Variants in LCOR observed in about 807,000 individuals in gnomAD.
The protein encoded by LCOR is ligand dependent nuclear receptor corepressor.
LCOR carries 14 observed loss-of-function variants against 64.4 expected under a neutral mutation model. The observed-to-expected ratio is 0.22, with a 90% CI of 0.14 to 0.34. The LOEUF (loss-of-function observed/expected upper bound fraction) is 0.34. Among genes scored for constraint, LCOR ranks in the 10% least tolerant of loss-of-function variants. LCOR has a pLI of 1.00. For missense variants in LCOR, 1,686 were observed against 1,765.3 expected, an observed-to-expected ratio of 0.96 and a Z score of 0.80; for synonymous variants, 643 against 642.5, an observed-to-expected ratio of 1.00 and a Z score of -0.01.
At chr10:96,833,755 C>G (rs1845390938) in intron 2 of LCOR, among the ~76,000 whole-genome samples, 1 of 152,252 alleles carries the variant, frequency 6.6e-6, no homozygotes. Flanking sequence ...GCTTGGGCCC[C>G]TCATTCCCTC....
At chr10:96,879,733 C>T (rs971279340) in intron 2 of LCOR, among the ~76,000 whole-genome samples, 4 of 152,148 alleles carry the variant, frequency 2.6e-5, no homozygotes, top group Non-Finnish European at 4.4e-5. Flanking sequence ...GCGACGTTGG[C>T]GCACTGCAAC....
At chr10:96,951,114 G>C (rs972836715) in intron 6 of LCOR, among the ~76,000 whole-genome samples, 1 of 152,026 alleles carries the variant, frequency 6.6e-6, no homozygotes, top group Admixed American at 6.5e-5. Context: ...TAGATAGCAC[G>C]ACCCCTCTAC....
At position 96,983,163 on chromosome 10, in the gene LCOR, C is replaced by T. The variant is rs137873501; in HGVS notation, c.2703C>T (p.Gly901=). The T allele has an allele frequency of 7.4e-5, 120 of 1,614,000 alleles. No homozygotes were observed. Among genetic ancestry groups the T allele is most frequent in the Middle Eastern group, 6.6e-4 (4 of 6,062 alleles). The change falls in exon 8 of 8, where the codon GGC becomes GGT. Residue 901 remains glycine (G), a synonymous_variant. Coordinates refer to ENST00000421806, the MANE Select transcript of LCOR (RefSeq NM_001346516.2). The surrounding 1 kb of genome is among the most constrained non-coding windows in gnomAD (Gnocchi z 4.5). The part of the protein sequence containing the change: ...RPSEKDAEQE[G]EGGGIITRQT... ...CTGAGAAAGATGCTGAGCAGGAGGGCGAAGGCGGGGGGATCATCACCAGGC... is the reference window on the plus strand; with the variant it reads ...CTGAGAAAGATGCTGAGCAGGAGGGTGAAGGCGGGGGGATCATCACCAGGC...
chr10:96,981,605 A>G lies in LCOR; in HGVS notation c.1145A>G (p.Glu382Gly). Residue 382 changes from glutamate (E) to glycine (G), a missense_variant, in exon 8 of 8, where the codon GAG becomes GGG. Transcript: ENST00000421806. ...CPKTPLRQDLEANEQDARPKQ... is the reference protein window; with the variant it reads ...CPKTPLRQDLGANEQDARPKQ... ...AAAACACCTTTGCGCCAGGATTTAG[A>G]GGCAAATGAACAAGATGCAAGGCCA... 6.2e-7 allele frequency: 1 copy of G among 1,614,252 alleles called. No individual in the cohort carries two copies. The highest frequency in any genetic ancestry group is 1.7e-5 in the Admixed American group (1 of 60,032).
At chr10:96,942,912 A>G (rs1185938141) in intron 4 of LCOR, among the ~76,000 whole-genome samples, 1 of 152,214 alleles carries the variant, frequency 6.6e-6, no homozygotes, top group Admixed American at 6.5e-5. Flanking sequence ...TAACACTTAA[A>G]TATGCATTTA....
At chr10:96,953,658 G>A (rs1564636690) in intron 7 of LCOR, among the ~76,000 whole-genome samples, 1 of 152,228 alleles carries the variant, frequency 6.6e-6, no homozygotes, top group Non-Finnish European at 1.5e-5. Flanking sequence ...AAGATTCTCT[G>A]TAAACTTGGC....
At chr10:96,832,477 G>C (rs1227130290) in intron 1 of LCOR, 78 bp downstream of exon 1, 1 of 485,510 alleles carries the variant, frequency 2.1e-6, no homozygotes, top group African/African-American at 2.1e-5. Context: ...GGAAGCTGGG[G>C]AAGTGGCAAT....
chr10:96,931,290 G>A (rs1176151592), intron 4 of LCOR, among the ~76,000 whole-genome samples: 1 of 150,606 alleles, frequency 6.6e-6, no homozygotes, highest in African/African-American at 2.5e-5. Context: ...CTAGAGTGCA[G>A]TGGTGTCATC....
rs140641081 is a variant in LCOR, at chr10:96,956,369, T to TATA, written c.332+4174_332+4176dup. The TATA allele has an allele frequency of 0.013, 12,497 of 986,422 alleles. 1,161 individuals are homozygous for TATA. In the African/African-American group the frequency reaches 0.19, roughly 15 times the overall value. 61.1% of individuals were successfully genotyped at this position (986,422 alleles called of 1,614,324 possible). A position where few individuals can be genotyped will look rare whatever the true frequency, so the allele number is the denominator to read the frequency against. ...ATCACTGCAAATTGGAAAGCCATCT[T>TATA]ATACAAAATTATTCACATTTTTCAT... On this transcript the variant is annotated intron_variant, in intron 7 of 7. Coordinates refer to ENST00000421806, the MANE Select transcript of LCOR (RefSeq NM_001346516.2).
Position 96,920,664 on chromosome 10 carries a change from A to G in LCOR, c.-184+12917A>G, listed in dbSNP as rs141670843. ...TATGTGTATATATGTGTATATATGT[A>G]TATATGTATATATTCATATATGTGT... On this transcript the variant is annotated intron_variant, in intron 4 of 7. Coordinates refer to ENST00000421806, the MANE Select transcript of LCOR (RefSeq NM_001346516.2). Among the ~76,000 whole-genome samples, 924 of 136,876 alleles carry G rather than the reference A, an allele frequency of 6.8e-3. 9 individuals carry two copies. The highest frequency in any genetic ancestry group is 0.015 in the Middle Eastern group (4 of 274). 89.8% of individuals were successfully genotyped at this position (136,876 alleles called of 152,430 possible). A position where few individuals can be genotyped will look rare whatever the true frequency, so the allele number is the denominator to read the frequency against.
intron 2 of LCOR, among the ~76,000 whole-genome samples, chr10:96,904,854 A>G (rs1229151664): frequency 3.9e-5 from 6 of 152,212 alleles, no homozygotes; most frequent in Non-Finnish European, 8.8e-5. Context: ...TGCAACTGCT[A>G]AATTCAATAT....
At chr10:96,918,269 T>C (rs775003261) in intron 4 of LCOR, among the ~76,000 whole-genome samples, 1 of 152,204 alleles carries the variant, frequency 6.6e-6, no homozygotes, top group Non-Finnish European at 1.5e-5. Flanking sequence ...TGGGTTGTCA[T>C]GTTTGTCAAA....
At chr10:96,893,638 C>G (rs1846484638) in intron 2 of LCOR, among the ~76,000 whole-genome samples, 2 of 152,142 alleles carry the variant, frequency 1.3e-5, no homozygotes, top group South Asian at 4.1e-4. Flanking sequence ...TGGTGGGCAT[C>G]TGTAGTCCCA....
Position 96,984,320 on chromosome 10 carries a change from A to G in LCOR, c.3860A>G (p.Glu1287Gly), listed in dbSNP as rs1848125397. 1 of 1,614,036 alleles carries G rather than the reference A, an allele frequency of 6.2e-7. No homozygotes were observed. The highest frequency in any genetic ancestry group is 1.3e-5 in the African/African-American group (1 of 74,942). Residue 1287 changes from glutamate (E) to glycine (G), a missense_variant, in exon 8 of 8, where the codon GAG becomes GGG. By Grantham distance (98) the Glu-to-Gly change is moderately conservative. Coordinates refer to ENST00000421806, the MANE Select transcript of LCOR (RefSeq NM_001346516.2). ...SPGPNSEDSI[E>G]EVKEDRNSHP... ...GGCCCTAATTCTGAAGACAGCATAGAGGAAGTCAAGGAAGATAGAAACAGT... is the reference window on the plus strand; with the variant it reads ...GGCCCTAATTCTGAAGACAGCATAGGGGAAGTCAAGGAAGATAGAAACAGT...
chr10:96,956,484 A>T, intron 7 of LCOR: 2 of 983,906 alleles, frequency 2.0e-6, no homozygotes. Flanking sequence ...TTATTCACTG[A>T]CATAATTATT....
rs906449316 is a variant in LCOR, at chr10:96,915,635, C to T, written c.-184+7888C>T. On this transcript the variant is annotated intron_variant, in intron 4 of 7. Coordinates refer to ENST00000421806, the MANE Select transcript of LCOR (RefSeq NM_001346516.2). Reference sequence around the variant, plus strand: ...TTATCAAAAATGCACACACTTCACTCGGCATCTGCAGCACCTTCAGCTTTC... The same window carrying T: ...TTATCAAAAATGCACACACTTCACTTGGCATCTGCAGCACCTTCAGCTTTC... The T allele has an allele frequency of 7.2e-5, 64 of 885,482 alleles. 1 individual carries two copies. In the Admixed American group the frequency reaches 8.9e-4, roughly 12 times the overall value. 54.9% of individuals were successfully genotyped at this position (885,482 alleles called of 1,614,324 possible).
At chr10:96,842,765 G>A (rs1219035215) in intron 2 of LCOR, among the ~76,000 whole-genome samples, 1 of 151,566 alleles carries the variant, frequency 6.6e-6, no homozygotes, top group Non-Finnish European at 1.5e-5. Context: ...CGAGTAGCCG[G>A]GATTACAGGC....
intron 4 of LCOR, among the ~76,000 whole-genome samples, chr10:96,928,620 G>C (rs536050689): frequency 6.6e-6 from 1 of 152,128 alleles, no homozygotes; most frequent in Non-Finnish European, 1.5e-5. Flanking sequence ...CAAAACTCTT[G>C]TTAATATTTA....
Position 96,907,693 on chromosome 10 carries a change from T to A in LCOR, c.-238T>A. 1.0e-6 allele frequency: 1 copy of A among 984,210 alleles called. No homozygotes were observed. The highest frequency in any genetic ancestry group is 1.2e-6 in the Non-Finnish European group (1 of 828,466). 61.0% of individuals were successfully genotyped at this position (984,210 alleles called of 1,614,324 possible). A position where few individuals can be genotyped will look rare whatever the true frequency, so the allele number is the denominator to read the frequency against. On this transcript the variant is annotated 5_prime_UTR_variant, in exon 4 of 8. The change creates a new upstream start codon in the 5' untranslated region. Transcript: ENST00000421806. ...ACTGTGAACCTGAAAGCATTTCTGA[T>A]TGGACTTTTGATGAAAACTGTTTAT...
Sources: allele counts gnomAD v4.1 joint callset (sites outside exome capture counted in the v4.1 genomes callset), GRCh38; gene constraint gnomAD v4.1.1; non-coding constraint Gnocchi (gnomAD v3.1); transcripts MANE v1.5; gene names NCBI Gene and HGNC (gene_info 2026-07-23, HGNC 2026-07-21).